The following CYP7B1 variants were observed in gnomAD, a reference collection of about 807,000 sequenced individuals.
CYP7B1 encodes cytochrome P450 family 7 subfamily B member 1.
CYP7B1 carries 29 observed loss-of-function variants against 42.7 expected under a neutral mutation model. The ratio of observed to expected loss-of-function variants is 0.68; its 90% confidence interval spans 0.51 to 0.93. The LOEUF (loss-of-function observed/expected upper bound fraction) is 0.93. Among genes scored for constraint, CYP7B1 ranks in the 40% least tolerant of loss-of-function variants. The pLI, the probability that CYP7B1 is intolerant of heterozygous loss-of-function variation, is 0.00. For synonymous variants in CYP7B1, 235 were observed against 218.2 expected (o/e 1.08, Z -0.68); for missense variants, 655 against 600.5 (o/e 1.09, Z -0.95).
intron 5 of CYP7B1, among the ~76,000 whole-genome samples, chr8:64,602,307 G>C (rs930458363): frequency 6.6e-6 from 1 of 152,214 alleles, no homozygotes; most frequent in Admixed American, 6.5e-5. Flanking sequence ...GAGGTGATTA[G>C]GTGATTCCTG....
intron 5 of CYP7B1, among the ~76,000 whole-genome samples, chr8:64,599,389 C>T (rs973078751): frequency 1.3e-5 from 2 of 152,064 alleles, no homozygotes; most frequent in African/African-American, 4.8e-5. Flanking sequence ...GGGGTTTCAC[C>T]GCGTTAACCA....
At chr8:64,743,175 AT>A (rs1563412066) in intron 1 of CYP7B1, among the ~76,000 whole-genome samples, 1 of 152,194 alleles carries the variant, frequency 6.6e-6, no homozygotes, top group Non-Finnish European at 1.5e-5. Context: ...CATTTTTTTA[AT>A]ATTTAAACTA....
At chr8:64,691,487 G>GGT (rs1554532293) in intron 1 of CYP7B1, among the ~76,000 whole-genome samples, 1 of 149,182 alleles carries the variant, frequency 6.7e-6, no homozygotes. Context: ...GCAACTGGGG[G>GGT]GGGGGGGTGG....
intron 1 of CYP7B1, among the ~76,000 whole-genome samples, chr8:64,766,324 G>T (rs905731489): frequency 6.6e-6 from 1 of 152,156 alleles, no homozygotes; most frequent in African/African-American, 2.4e-5. Context: ...AAACCTCTCT[G>T]TCACCTGATT....
chr8:64,654,803 G>A (rs942513338), intron 1 of CYP7B1, among the ~76,000 whole-genome samples: 9 of 152,150 alleles, frequency 5.9e-5, no homozygotes, highest in African/African-American at 2.2e-4. Flanking sequence ...AAAACAGTAA[G>A]GTACTGGTAC....
At chr8:64,620,037 T>C (rs1263375575) in intron 2 of CYP7B1, among the ~76,000 whole-genome samples, 1 of 151,766 alleles carries the variant, frequency 6.6e-6, no homozygotes, top group Non-Finnish European at 1.5e-5. Context: ...TTAAAAAAAA[T>C]TAGCCAGGTG....
chr8:64,687,298 T>C (rs1806669140), intron 1 of CYP7B1, among the ~76,000 whole-genome samples: 1 of 152,166 alleles, frequency 6.6e-6, no homozygotes, highest in Non-Finnish European at 1.5e-5. Context: ...TTGAAAACAT[T>C]ATGCTAAAGG....
At position 64,596,531 on chromosome 8, in the gene CYP7B1, C is replaced by T. The variant is rs140646421; in HGVS notation, c.*111G>A. On this transcript the variant is annotated 3_prime_UTR_variant, in exon 6 of 6. Transcript: ENST00000310193. ...TGATATCAGATCAAATAGAAATTAG[C>T]GCTTTTTAAACAAATAAATCAATTA... is the stretch of plus-strand genomic sequence containing the variant. The T allele has an allele frequency of 1.1e-4, 128 of 1,118,102 alleles. No homozygotes were observed. Among genetic ancestry groups the T allele is most frequent in the African/African-American group, 6.6e-4 (42 of 63,212 alleles). 69.3% of individuals were successfully genotyped at this position (1,118,102 alleles called of 1,614,324 possible).
chr8:64,707,426 G>A (rs1807016564), intron 1 of CYP7B1, among the ~76,000 whole-genome samples: 1 of 152,110 alleles, frequency 6.6e-6, no homozygotes. Context: ...TGGCATTGAA[G>A]AGGTTATAGT....
chr8:64,625,036 C>T (rs1174363991), intron 1 of CYP7B1, among the ~76,000 whole-genome samples: 3 of 125,036 alleles, frequency 2.4e-5, no homozygotes, highest in Non-Finnish European at 4.7e-5. Context: ...TGCACTGGTG[C>T]GATCTCGGCT....
chr8:64,684,378 C>T (rs1161895201), intron 1 of CYP7B1, among the ~76,000 whole-genome samples: 2 of 152,064 alleles, frequency 1.3e-5, no homozygotes, highest in Non-Finnish European at 2.9e-5. Context: ...ATAACAATAT[C>T]GACTATTGGT....
intron 1 of CYP7B1, among the ~76,000 whole-genome samples, chr8:64,701,891 T>C (rs1806921358): frequency 6.6e-6 from 1 of 152,076 alleles, no homozygotes; most frequent in Non-Finnish European, 1.5e-5. Flanking sequence ...CAGTTTCTAA[T>C]AAAGCACTGT....
chr8:64,768,969 T>A (rs924371277), intron 1 of CYP7B1, among the ~76,000 whole-genome samples: 3 of 152,250 alleles, frequency 2.0e-5, no homozygotes, highest in African/African-American at 7.2e-5. Flanking sequence ...TCAGTTTTTT[T>A]ATGGATCACC....
chr8:64,705,921 A>G (rs1272305083), intron 1 of CYP7B1, among the ~76,000 whole-genome samples: 2 of 152,066 alleles, frequency 1.3e-5, no homozygotes, highest in African/African-American at 4.8e-5. Flanking sequence ...TAAAATTCAG[A>G]AAGATGGCAC....
At chr8:64,737,283 C>T (rs1421404575) in intron 1 of CYP7B1, among the ~76,000 whole-genome samples, 1 of 152,006 alleles carries the variant, frequency 6.6e-6, no homozygotes, top group African/African-American at 2.4e-5. Flanking sequence ...TAAAGATTAT[C>T]CCTCAATATA....
At chr8:64,691,257 G>C (rs1487955293) in intron 1 of CYP7B1, among the ~76,000 whole-genome samples, 1 of 152,178 alleles carries the variant, frequency 6.6e-6, no homozygotes, top group Non-Finnish European at 1.5e-5. Context: ...AGGTAGTACA[G>C]TTTAGGGACG....
rs541474645 is a variant in CYP7B1, at chr8:64,677,433, G to A, written c.123-52894C>T. Reference sequence around the variant, plus strand: ...AAATGAGATAAACGGCACATATTTAGGAGCCAAAAAAAAAAAAAAAAAAAA... The same window carrying A: ...AAATGAGATAAACGGCACATATTTAAGAGCCAAAAAAAAAAAAAAAAAAAA... On this transcript the variant is annotated intron_variant, in intron 1 of 5. Transcript: ENST00000310193. 3.6e-3 allele frequency among the ~76,000 whole-genome samples: 355 copies of A among 98,106 alleles called. 5 individuals are homozygous for A. The highest frequency in any genetic ancestry group is 0.012 in the African/African-American group (346 of 29,838). 64.4% of individuals were successfully genotyped at this position (98,106 alleles called of 152,430 possible). A position where few individuals can be genotyped will look rare whatever the true frequency, so the allele number is the denominator to read the frequency against.
In CYP7B1 at chr8:64,593,249, G is replaced by GT. The variant is rs1229267651; in HGVS notation, c.*3392dup. Among the ~76,000 whole-genome samples, 2 of 147,982 alleles carry GT rather than the reference G, an allele frequency of 1.4e-5. No individual in the cohort carries two copies. The highest frequency in any genetic ancestry group is 3.0e-5 in the Non-Finnish European group (2 of 66,992). ...GGGCCCAGGGTGTGTGTGTGTGTGTGTGTGTGTGTGTGTGTGTGTGTGTGT... is the reference window on the plus strand; with the variant it reads ...GGGCCCAGGGTGTGTGTGTGTGTGTGTTGTGTGTGTGTGTGTGTGTGTGTGT... On this transcript the variant is annotated 3_prime_UTR_variant, in exon 6 of 6. Transcript: ENST00000310193.
At chr8:64,586,762 A>C (rs1278661086), downstream of CYP7B1, among the ~76,000 whole-genome samples, 1 of 152,234 alleles carries the variant, frequency 6.6e-6, no homozygotes. Flanking sequence ...GTGCCAAGCA[A>C]CTTTACATCA....
Sources: allele counts gnomAD v4.1 joint callset (sites outside exome capture counted in the v4.1 genomes callset), GRCh38; gene constraint gnomAD v4.1.1; transcripts MANE v1.5; gene names NCBI Gene and HGNC (gene_info 2026-07-23, HGNC 2026-07-21).